FBXL17: variants seen among roughly 807,000 people sequenced by gnomAD.
FBXL17 encodes the protein F-box/LRR-repeat protein 17.
In FBXL17, 22 loss-of-function variants were observed where a neutral mutation model predicts 66.2. The ratio of observed to expected loss-of-function variants is 0.33; its 90% CI spans 0.24 to 0.47. FBXL17 has a LOEUF of 0.47. Ranked by LOEUF, FBXL17 falls within the 20% of genes least tolerant of loss-of-function variation. The pLI, the probability that FBXL17 is intolerant of heterozygous loss-of-function variation, is 1.00. For missense variants in FBXL17, 878 were observed against 948.2 expected (o/e 0.93, Z 0.97); for synonymous variants, 474 against 400.5 (o/e 1.18, Z -2.19).
At chr5:107,863,230 G>C (rs1748178973) in intron 8 of FBXL17, among the ~76,000 whole-genome samples, 1 of 151,380 alleles carries the variant, frequency 6.6e-6, no homozygotes, top group Admixed American at 6.6e-5. Flanking sequence ...TCTAAGTCTA[G>C]AGTTCAGACA....
At chr5:108,146,892 C>A (rs1291298760) in intron 6 of FBXL17, among the ~76,000 whole-genome samples, 1 of 152,158 alleles carries the variant, frequency 6.6e-6, no homozygotes, top group African/African-American at 2.4e-5. Context: ...ATACCTTAGA[C>A]TGGGTAATTC....
chr5:107,903,304 T>C (rs954485284), intron 7 of FBXL17, among the ~76,000 whole-genome samples: 2 of 152,212 alleles, frequency 1.3e-5, no homozygotes, highest in African/African-American at 4.8e-5. Context: ...GGTATATTTA[T>C]AGAGTTAGTA....
chr5:108,265,492 A>C (rs1430897892), intron 4 of FBXL17, among the ~76,000 whole-genome samples: 1 of 152,162 alleles, frequency 6.6e-6, no homozygotes, highest in African/African-American at 2.4e-5. Flanking sequence ...AATAAAATCA[A>C]CATACACTAA....
At chr5:108,326,153 C>T (rs765828766) in intron 4 of FBXL17, among the ~76,000 whole-genome samples, 1 of 152,102 alleles carries the variant, frequency 6.6e-6, no homozygotes, top group Non-Finnish European at 1.5e-5. Flanking sequence ...AAAGTAAAAA[C>T]CTTGCTCTCT....
intron 6 of FBXL17, among the ~76,000 whole-genome samples, chr5:108,180,537 G>C (rs1190858476): frequency 1.3e-5 from 2 of 151,518 alleles, no homozygotes; most frequent in Non-Finnish European, 2.9e-5. Flanking sequence ...AATATCTATA[G>C]GTACTATTTT....
At chr5:108,248,797 T>G (rs940140692) in intron 4 of FBXL17, among the ~76,000 whole-genome samples, 1 of 152,098 alleles carries the variant, frequency 6.6e-6, no homozygotes, top group African/African-American at 2.4e-5. Flanking sequence ...GGGCAATATT[T>G]TTCAAGTGCT....
At chr5:108,326,475 C>T (rs544977292) in intron 4 of FBXL17, among the ~76,000 whole-genome samples, 5 of 151,738 alleles carry the variant, frequency 3.3e-5, no homozygotes, top group Admixed American at 6.6e-5. Context: ...TGGTGGTGCA[C>T]GCCTGTAATC....
chr5:108,008,225 A>G (rs1302914169), intron 7 of FBXL17, among the ~76,000 whole-genome samples: 1 of 152,176 alleles, frequency 6.6e-6, no homozygotes, highest in Non-Finnish European at 1.5e-5. Context: ...TAGCGCTTAA[A>G]ATTTTGTCAG....
intron 4 of FBXL17, among the ~76,000 whole-genome samples, chr5:108,263,760 G>A (rs1756930801): frequency 6.6e-6 from 1 of 152,042 alleles, no homozygotes. Context: ...ACATTATCCT[G>A]AAAAAGTTCC....
intron 5 of FBXL17, among the ~76,000 whole-genome samples, chr5:108,188,098 G>A (rs1237440977): frequency 6.6e-6 from 1 of 151,862 alleles, no homozygotes; most frequent in Non-Finnish European, 1.5e-5. Context: ...CTACAGTGTT[G>A]GTGGACAGGA....
chr5:108,266,553 A>G (rs1041732269), intron 4 of FBXL17, among the ~76,000 whole-genome samples: 3 of 152,100 alleles, frequency 2.0e-5, no homozygotes, highest in Non-Finnish European at 2.9e-5. Flanking sequence ...AACATCCCCA[A>G]TGTGCAAGAG....
chr5:107,985,998 CA>C (rs1752998440), intron 7 of FBXL17, among the ~76,000 whole-genome samples: 1 of 152,006 alleles, frequency 6.6e-6, no homozygotes, highest in South Asian at 2.1e-4. Flanking sequence ...ATTATAAAAA[CA>C]GTTTAAAGAC....
chr5:108,322,867 C>T (rs148232153), intron 4 of FBXL17, among the ~76,000 whole-genome samples: 61 of 151,936 alleles, frequency 4.0e-4, no homozygotes, highest in South Asian at 1.5e-3. Context: ...AAAAAAAGAT[C>T]GAGCTCCAAA....
chr5:108,110,018 AT>A (rs1342203687), intron 6 of FBXL17, among the ~76,000 whole-genome samples: 1 of 152,056 alleles, frequency 6.6e-6, no homozygotes, highest in African/African-American at 2.4e-5. Context: ...ACATACCTTC[AT>A]TCTCTTCTAG....
intron 6 of FBXL17, among the ~76,000 whole-genome samples, chr5:108,117,903 C>T (rs1028361890): frequency 6.6e-6 from 1 of 152,090 alleles, no homozygotes; most frequent in Non-Finnish European, 1.5e-5. Context: ...GTTTGGGAAG[C>T]CCTACATTAG....
At chr5:108,034,623 A>G (rs1332525392) in intron 6 of FBXL17, among the ~76,000 whole-genome samples, 1 of 152,166 alleles carries the variant, frequency 6.6e-6, no homozygotes, top group Non-Finnish European at 1.5e-5. Context: ...AATACTGTAT[A>G]TGAAATAAAA....
intron 7 of FBXL17, among the ~76,000 whole-genome samples, chr5:107,883,683 G>A (rs753818649): frequency 2.0e-5 from 3 of 152,110 alleles, no homozygotes; most frequent in South Asian, 4.1e-4. Flanking sequence ...TCATTAGAAC[G>A]ACAGCTCCTA....
intron 7 of FBXL17, chr5:108,020,724 C>A: frequency 2.2e-6 from 1 of 451,420 alleles, no homozygotes; most frequent in Non-Finnish European, 4.0e-6. Flanking sequence ...TTGCATGTGG[C>A]AATGAAGTAA....
At chr5:108,094,316 T>C (rs545099415) in intron 6 of FBXL17, among the ~76,000 whole-genome samples, 1 of 152,238 alleles carries the variant, frequency 6.6e-6, no homozygotes, top group Admixed American at 6.5e-5. Flanking sequence ...CAAAATTATG[T>C]ATCTTTGTAT....
Sources: gnomAD v4.1 joint callset for allele counts (sites outside exome capture counted in the v4.1 genomes callset) on GRCh38, gnomAD v4.1.1 for gene constraint, MANE v1.5 for transcripts, NCBI Gene and HGNC (gene_info 2026-07-23, HGNC 2026-07-21) for gene names.